Variants in PTGS1 observed in about 807,000 individuals in gnomAD.
PTGS1 encodes the protein prostaglandin G/H synthase 1.
PTGS1 carries 40 observed loss-of-function variants against 63.0 expected under a neutral mutation model. The ratio of observed to expected loss-of-function variants is 0.63; its 90% CI spans 0.49 to 0.83. The LOEUF (loss-of-function observed/expected upper bound fraction) is 0.83, where lower values mean the gene tolerates loss of function less well. Among genes scored for constraint, PTGS1 ranks in the 40% least tolerant of loss-of-function variants. The probability of loss-of-function intolerance (pLI) is 0.00; values close to 1 mark genes in which losing one functional copy is unlikely to be tolerated. For synonymous variants in PTGS1, 298 were observed against 301.9 expected (o/e 0.99, Z 0.13); for missense variants, 709 against 786.5 (o/e 0.90, Z 1.18).
In PTGS1 at chr9:122,379,920, C is replaced by T. The variant is rs1175174216; in HGVS notation, c.496+1002C>T. Among the ~76,000 whole-genome samples, 3 of 152,144 alleles carry T rather than the reference C, an allele frequency of 2.0e-5. No homozygotes were observed. In the East Asian group the frequency reaches 5.8e-4, roughly 29 times the overall value. ...CATCTTGATGCATTGTGAAGAGATGCCTTTACCAGAACTCAAAAAATTCTA... is the reference window on the plus strand; with the variant it reads ...CATCTTGATGCATTGTGAAGAGATGTCTTTACCAGAACTCAAAAAATTCTA... On this transcript the variant is annotated intron_variant, in intron 5 of 10. Coordinates refer to ENST00000362012, the MANE Select transcript of PTGS1 (RefSeq NM_000962.4).
At chr9:122,377,433 A>G (rs1025320478) in intron 2 of PTGS1, among the ~76,000 whole-genome samples, 5 of 151,792 alleles carry the variant, frequency 3.3e-5, no homozygotes, top group African/African-American at 4.8e-5. Flanking sequence ...GGTCTGGGAG[A>G]AGTCCCCGTC....
intron 10 of PTGS1, among the ~76,000 whole-genome samples, chr9:122,391,777 T>C (rs1176508009): frequency 6.6e-6 from 1 of 152,096 alleles, no homozygotes; most frequent in Non-Finnish European, 1.5e-5. Flanking sequence ...ATGTTACATC[T>C]TTGAGCTCTA....
chr9:122,376,463 G>A (rs1362391724), intron 2 of PTGS1, among the ~76,000 whole-genome samples: 2 of 151,952 alleles, frequency 1.3e-5, no homozygotes, highest in African/African-American at 2.4e-5. Context: ...CCTGTGCTGT[G>A]AAGTGAGGAG....
chr9:122,387,835 T>C (rs370352866), intron 9 of PTGS1, among the ~76,000 whole-genome samples: 3 of 152,342 alleles, frequency 2.0e-5, no homozygotes, highest in East Asian at 1.9e-4. Context: ...GAAGCTCCCA[T>C]CTGCTTCATC....
chr9:122,387,638 C>T (rs759041404), intron 9 of PTGS1, among the ~76,000 whole-genome samples: 2 of 152,232 alleles, frequency 1.3e-5, no homozygotes, highest in Non-Finnish European at 2.9e-5. Context: ...AAAGAGGCCT[C>T]AGGAGATACC....
chr9:122,379,391 C>T (rs1359027732), intron 5 of PTGS1, among the ~76,000 whole-genome samples: 1 of 152,164 alleles, frequency 6.6e-6, no homozygotes, highest in Non-Finnish European at 1.5e-5. Context: ...AAGACCTTCC[C>T]ATGCCACCTG....
chr9:122,377,817 C>T (rs1588123415), intron 2 of PTGS1, 82 bp from the exon 3 acceptor site: 1 of 1,241,494 alleles, frequency 8.1e-7, no homozygotes, highest in East Asian at 2.3e-5. Flanking sequence ...ATGCCTCTGG[C>T]CCCTCATTCC....
chr9:122,377,231 GGGGT>G (rs535331369), intron 2 of PTGS1, among the ~76,000 whole-genome samples: 120 of 152,324 alleles, frequency 7.9e-4, no homozygotes, highest in African/African-American at 2.7e-3. Context: ...TGAGGCTGTG[GGGGT>G]GGAGTGGAAG....
At chr9:122,371,161 A>C (rs749474183) in intron 1 of PTGS1, 25 bp from the exon 2 acceptor site, 1 of 1,608,392 alleles carries the variant, frequency 6.2e-7, no homozygotes, top group East Asian at 2.2e-5. Context: ...TGCCAGGCTC[A>C]GCCCCTCATC....
chr9:122,384,359 C>T (rs1299949452), intron 8 of PTGS1, among the ~76,000 whole-genome samples: 6 of 152,210 alleles, frequency 3.9e-5, no homozygotes, highest in African/African-American at 7.2e-5. Flanking sequence ...TCACCAGTAA[C>T]TCCCTTCCCC....
At chr9:122,377,097 G>A (rs1389515471) in intron 2 of PTGS1, among the ~76,000 whole-genome samples, 1 of 152,168 alleles carries the variant, frequency 6.6e-6, no homozygotes, top group Non-Finnish European at 1.5e-5. Flanking sequence ...CCCTGATGTG[G>A]GCCAAGTCTG....
chr9:122,375,737 T>C (rs1402142719), intron 2 of PTGS1, among the ~76,000 whole-genome samples: 1 of 151,706 alleles, frequency 6.6e-6, no homozygotes, highest in East Asian at 1.9e-4. Flanking sequence ...TTGGAGGAAA[T>C]GTATTAAGGA....
intron 5 of PTGS1, 92 bp downstream of exon 5, chr9:122,379,010 C>T: frequency 2.7e-6 from 4 of 1,505,688 alleles, no homozygotes; most frequent in Admixed American, 3.9e-5. Context: ...ATTATTGACC[C>T]AATTCTGCAG....
intron 2 of PTGS1, among the ~76,000 whole-genome samples, chr9:122,374,585 G>A (rs190009522): frequency 1.3e-5 from 2 of 152,294 alleles, no homozygotes; most frequent in Non-Finnish European, 2.9e-5. Flanking sequence ...GTCCTCCACT[G>A]AGCATAGAAC....
chr9:122,377,862 C>G, intron 2 of PTGS1, 37 bp from the exon 3 acceptor site: 1 of 1,588,280 alleles, frequency 6.3e-7, no homozygotes, highest in Non-Finnish European at 8.6e-7. Flanking sequence ...AGGAGGCCAC[C>G]CTAGCATGGT....
Position 122,378,446 on chromosome 9 carries a change from C to T in PTGS1, c.225C>T (p.Thr75=). 6.2e-7 allele frequency: 1 copy of T among 1,613,996 alleles called. No individual in the cohort carries two copies. Among genetic ancestry groups the T allele is most frequent in the African/African-American group, 1.3e-5 (1 of 75,062 alleles). Residue 75 remains threonine (T), a synonymous_variant, in exon 4 of 11, where the codon ACC becomes ACT. Transcript: ENST00000362012. Reference sequence around the variant, plus strand: ...TTGCCCCTGCAGCTGGCCTGTGGACCTGGCTCCGGAATTCACTGCGGCCCA... The same window carrying T: ...TTGCCCCTGCAGCTGGCCTGTGGACTTGGCTCCGGAATTCACTGCGGCCCA... ...GPNCTIPGLW[T]WLRNSLRPSP... is the part of the protein sequence containing the mutation.
chr9:122,376,144 G>T (rs772199007), intron 2 of PTGS1, among the ~76,000 whole-genome samples: 2 of 152,142 alleles, frequency 1.3e-5, no homozygotes, highest in Non-Finnish European at 1.5e-5. Context: ...GTGGCTGGGG[G>T]AGGCGGGGGC....
At chr9:122,370,923 T>C, upstream of PTGS1, 2 of 1,171,050 alleles carry the variant, frequency 1.7e-6, no homozygotes, top group Non-Finnish European at 1.2e-6. Context: ...TGGCCGGGGC[T>C]GGGCAGAGGA....
chr9:122,375,520 G>C (rs1837082945), intron 2 of PTGS1: 1 of 980,012 alleles, frequency 1.0e-6, no homozygotes. Flanking sequence ...CTGGATCCCA[G>C]ACCTGGTTAA....
Sources: gnomAD v4.1 joint callset for allele counts (sites outside exome capture counted in the v4.1 genomes callset) on GRCh38, gnomAD v4.1.1 for gene constraint, MANE v1.5 for transcripts, NCBI Gene and HGNC (gene_info 2026-07-23, HGNC 2026-07-21) for gene names.